GHDC: variants seen among roughly 807,000 people sequenced by gnomAD.
The protein encoded by GHDC is GH3 domain-containing protein.
In GHDC, 39 loss-of-function variants were observed where a neutral mutation model predicts 51.5. That is an observed-to-expected ratio of 0.76 (90% CI 0.59 to 0.99). The LOEUF (loss-of-function observed/expected upper bound fraction) is 0.99, where lower values mean the gene tolerates loss of function less well. Ranked by LOEUF, GHDC falls within the 50% of genes least tolerant of loss-of-function variation. The pLI is 0.00. For missense variants in GHDC, 610 were observed against 672.8 expected (o/e 0.91, Z 1.03); for synonymous variants, 282 against 305.2 (o/e 0.92, Z 0.79).
At chr17:42,190,567 G>T (rs2079959924) in intron 8 of GHDC, 57 bp downstream of exon 8, 1 of 1,568,600 alleles carries the variant, frequency 6.4e-7, no homozygotes, top group African/African-American at 1.4e-5. Context: ...TGGCAGGGGA[G>T]GTAGGAGTTG....
At position 42,193,795 on chromosome 17, in the gene GHDC, G is replaced by A; in HGVS notation, c.-42C>T. ...AGTGCAGATCCTGCCTCTGCCGCTT[G>A]TTAGCTGTAGGGCCCTGAGCAATTT... On this transcript the variant is annotated 5_prime_UTR_variant, in exon 2 of 10. Transcript: ENST00000587427. The A allele has an allele frequency of 3.1e-6, 2 of 649,212 alleles. No homozygotes were observed. Among genetic ancestry groups the A allele is most frequent in the South Asian group, 2.0e-5 (1 of 49,098 alleles). The allele number at this position is 649,212 out of a possible 1,614,324, so 40.2% of individuals were successfully genotyped here.
In GHDC at chr17:42,190,702, C is replaced by CA. The variant is rs769296999; in HGVS notation, c.1209dup (p.Glu404Ter). 4 of 1,613,972 alleles carry CA rather than the reference C, an allele frequency of 2.5e-6. No individual in the cohort carries two copies. Among genetic ancestry groups the CA allele is most frequent in the Non-Finnish European group, 3.4e-6 (4 of 1,180,042 alleles). Reference sequence around the variant, plus strand: ...TGCCCCACTGCCCGGCCCAGGGCCTCAGAGAACAGGTCTTCACCAATATCT... The same window carrying CA: ...TGCCCCACTGCCCGGCCCAGGGCCTCAAGAGAACAGGTCTTCACCAATATCT... On this transcript the variant is annotated frameshift_variant, in exon 8 of 10. Coordinates refer to ENST00000587427, the MANE Select transcript of GHDC (RefSeq NM_032484.5). LOFTEE classifies it high-confidence loss of function.
Position 42,192,277 on chromosome 17 carries a change from G to T in GHDC, c.853C>A (p.Leu285Ile), listed in dbSNP as rs779393899. ...GCATAAGCAGGAGAGAAGAAGGCTA[G>T]TCCTTGGCACCACAAGGCCCCGAGG... ...AALGALWCQG[L>I]AFFSPAYAAS... Residue 285 changes from leucine (L) to isoleucine (I), a missense_variant, in exon 5 of 10, where the codon CTA (leucine) becomes ATA (isoleucine). This residue lies in a region of GHDC where 412 missense variants were observed against 410.4 expected (regional missense o/e 1.00). Transcript: ENST00000587427. The T allele has an allele frequency of 1.8e-5, 28 of 1,577,448 alleles. No homozygotes were observed. Among genetic ancestry groups the T allele is most frequent in the Non-Finnish European group, 2.4e-5 (28 of 1,162,350 alleles).
chr17:42,190,474 C>T lies in GHDC; in HGVS notation c.1288+150G>A, dbSNP rs978900826. The T allele has an allele frequency of 5.0e-6, 7 of 1,406,928 alleles. No homozygotes were observed. The East Asian group carries it at 1.7e-4, about 35-fold the overall frequency. 87.2% of individuals were successfully genotyped at this position (1,406,928 alleles called of 1,614,324 possible). A position where few individuals can be genotyped will look rare whatever the true frequency, so the allele number is the denominator to read the frequency against. Reference sequence around the variant, plus strand: ...CAGGAAAGAAAATGGGTAGAGACTGCAGCAGGATGGATGAGAGTTAGATGC... The same window carrying T: ...CAGGAAAGAAAATGGGTAGAGACTGTAGCAGGATGGATGAGAGTTAGATGC... On this transcript the variant is annotated intron_variant, in intron 8 of 9. Coordinates refer to ENST00000587427, the MANE Select transcript of GHDC (RefSeq NM_032484.5).
chr17:42,193,886 C>G (rs1456633089), intron 1 of GHDC, 36 bp from the exon 2 acceptor site: 5 of 412,854 alleles, frequency 1.2e-5, no homozygotes, highest in Non-Finnish European at 2.2e-5. Flanking sequence ...ATGCCTCTTT[C>G]AGAAGGTAGG....
chr17:42,189,611 G>T lies in GHDC; in HGVS notation c.*92C>A. On this transcript the variant is annotated 3_prime_UTR_variant, in exon 10 of 10. Coordinates refer to ENST00000587427, the MANE Select transcript of GHDC (RefSeq NM_032484.5). ...AAATGTCAGGTGACACAGAGTCAGA[G>T]ACCCTGGCCAAGGACTCCCCATCCG... The T allele has an allele frequency of 1.6e-6, 1 of 609,898 alleles. No homozygotes were observed. 37.8% of individuals were successfully genotyped at this position (609,898 alleles called of 1,614,324 possible).
rs751446435 is a variant in GHDC, at chr17:42,192,706, A to G, written c.424T>C (p.Tyr142His). 2.6e-6 allele frequency: 4 copies of G among 1,563,232 alleles called. No individual in the cohort carries two copies. The highest frequency in any genetic ancestry group is 4.5e-5 in the East Asian group (2 of 44,412). Residue 142 changes from tyrosine (Y) to histidine (H), a missense_variant, in exon 5 of 10, where the codon TAC becomes CAC. By Grantham distance (83) the Tyr-to-His change is moderately conservative (BLOSUM62 2). Coordinates refer to ENST00000587427, the MANE Select transcript of GHDC (RefSeq NM_032484.5). ...CGTCCCTGAGCCAGCACTTCTGGGTAGGCCTTGTTTAGGGCTGCCAGACCC... is the reference window on the plus strand; with the variant it reads ...CGTCCCTGAGCCAGCACTTCTGGGTGGGCCTTGTTTAGGGCTGCCAGACCC... ...LLGLAALNKAYPEVLAQGRTA... is the reference protein window; with the variant it reads ...LLGLAALNKAHPEVLAQGRTA...
At position 42,193,321 on chromosome 17, in the gene GHDC, G is replaced by C; in HGVS notation, c.261C>G (p.Ser87Arg). ...CCCAGACCCTGGGAAACACACCTGT[G>C]CTCCTTCTGAGGGAACAGTGGGGGC... ...AQRPHCSLRRSTDISTFRNHL... is the reference protein window; with the variant it reads ...AQRPHCSLRRRTDISTFRNHL... Residue 87 changes from serine to arginine, a missense_variant, in exon 3 of 10, where the codon AGC becomes AGG. By Grantham distance (110) the Ser-to-Arg change is moderately radical (BLOSUM62 -1). Transcript: ENST00000587427. 6.3e-7 allele frequency: 1 copy of C among 1,599,622 alleles called. No homozygotes were observed.
At chr17:42,193,640 C>G in intron 2 of GHDC, 46 bp from the exon 3 acceptor site, 2 of 1,485,280 alleles carry the variant, frequency 1.3e-6, no homozygotes, top group South Asian at 2.6e-5. Flanking sequence ...CAGCAATTAT[C>G]CATTTCTCCT....
In GHDC at chr17:42,189,153, G is replaced by A. The variant is rs931982940; in HGVS notation, c.*550C>T. On this transcript the variant is annotated 3_prime_UTR_variant, in exon 10 of 10. Coordinates refer to ENST00000587427, the MANE Select transcript of GHDC (RefSeq NM_032484.5). ...CCAAGGCGGGGGAGTGGGGAAGAGA[G>A]GGAAGGGAGAGCCCCCGCAGGAAGT... The A allele has an allele frequency of 1.5e-5, 6 of 398,588 alleles. No homozygotes were observed. The highest frequency in any genetic ancestry group is 1.0e-4 in the African/African-American group (5 of 48,644). 24.7% of individuals were successfully genotyped at this position (398,588 alleles called of 1,614,324 possible). A position where few individuals can be genotyped will look rare whatever the true frequency, so the allele number is the denominator to read the frequency against.
Position 42,192,298 on chromosome 17 carries a change from C to A in GHDC, c.832G>T (p.Gly278Trp). ...GGQAEAVAAL[G>W]ALWCQGLAFF... The stretch of plus-strand genomic sequence containing the variant: ...GCTAGTCCTTGGCACCACAAGGCCC[C>A]GAGGGCAGCCACAGCCTCGGCCTGG... Residue 278 changes from glycine (G) to tryptophan (W), a missense_variant, in exon 5 of 10, where the codon GGG (glycine) becomes TGG (tryptophan). Coordinates refer to ENST00000587427, the MANE Select transcript of GHDC (RefSeq NM_032484.5). 1 of 1,601,536 alleles carries A rather than the reference C, an allele frequency of 6.2e-7. No homozygotes were observed. The highest frequency in any genetic ancestry group is 1.1e-5 in the South Asian group (1 of 89,352).
rs963362809 is a variant in GHDC, at chr17:42,190,055, C to G, written c.1374+130G>C. ...TGTGTGTCTGTGGGACTTAGCCCTC[C>G]CCTCCCAGAGCCCCAGGGAGCTTCT... On this transcript the variant is annotated intron_variant, in intron 9 of 9. Transcript: ENST00000587427. 8.0e-6 allele frequency: 11 copies of G among 1,370,488 alleles called. No individual in the cohort carries two copies. In the Admixed American group the frequency reaches 2.4e-4, roughly 30 times the overall value. 84.9% of individuals were successfully genotyped at this position (1,370,488 alleles called of 1,614,324 possible).
chr17:42,192,614 G>C lies in GHDC; in HGVS notation c.516C>G (p.Gly172=). The part of the protein sequence containing the change: ...RPLPWPGNTL[G]QVGTPGTKDP... ...CCTTGGTTCCAGGGGTGCCCACCTG[G>C]CCCAGGGTATTCCCAGGCCAAGGCA... The change falls in exon 5 of 10, where the codon GGC becomes GGG. Residue 172 remains glycine (G), a synonymous_variant. Transcript: ENST00000587427. 6.2e-7 allele frequency: 1 copy of C among 1,613,362 alleles called. No individual in the cohort carries two copies. Among genetic ancestry groups the C allele is most frequent in the Non-Finnish European group, 8.5e-7 (1 of 1,179,886 alleles).
At position 42,189,134 on chromosome 17, in the gene GHDC, C is replaced by T. The variant is rs116050394; in HGVS notation, c.*569G>A. 750 of 398,594 alleles carry T rather than the reference C, an allele frequency of 1.9e-3. 9 individuals carry two copies. Among genetic ancestry groups the T allele is most frequent in the African/African-American group, 0.014 (680 of 48,710 alleles). 24.7% of individuals were successfully genotyped at this position (398,594 alleles called of 1,614,324 possible). On this transcript the variant is annotated 3_prime_UTR_variant, in exon 10 of 10. Transcript: ENST00000587427. ...GGGAGCCATCCCAGGAAGCCCAAGG[C>T]GGGGGAGTGGGGAAGAGAGGGAAGG...
chr17:42,190,258 C>T lies in GHDC; in HGVS notation c.1301G>A (p.Gly434Asp), dbSNP rs769224655. Reference protein sequence around the residue: ...VESSILDSSAGSAPHYEVFVA... With the variant: ...VESSILDSSADSAPHYEVFVA... ...AAACACCTCGTAGTGGGGAGCAGAG[C>T]CCGCAGAGGAATCTGTGAATAGACC... is the stretch of plus-strand genomic sequence containing the variant. The change falls in exon 9 of 10, where the codon GGC becomes GAC. Residue 434 changes from glycine to aspartate, a missense_variant. By Grantham distance (94) the Gly-to-Asp change is moderately conservative (BLOSUM62 -1). Coordinates refer to ENST00000587427, the MANE Select transcript of GHDC (RefSeq NM_032484.5). 1 of 1,614,190 alleles carries T rather than the reference C, an allele frequency of 6.2e-7. No homozygotes were observed. Among genetic ancestry groups the T allele is most frequent in the African/African-American group, 1.3e-5 (1 of 75,040 alleles).
At chr17:42,190,471 C>T in intron 8 of GHDC, 153 bp downstream of exon 8, 2 of 1,414,478 alleles carry the variant, frequency 1.4e-6, no homozygotes, top group Non-Finnish European at 1.9e-6. Flanking sequence ...TGGGTAGAGA[C>T]TGCAGCAGGA....
intron 5 of GHDC, 140 bp from the exon 6 acceptor site, chr17:42,191,350 C>T: frequency 1.2e-6 from 1 of 852,062 alleles, no homozygotes; most frequent in South Asian, 3.2e-5. Flanking sequence ...TCCTGGCTCC[C>T]CCAGCCTCAG....
At chr17:42,190,304 G>C in intron 8 of GHDC, 34 bp from the exon 9 acceptor site, 1 of 1,614,134 alleles carries the variant, frequency 6.2e-7, no homozygotes, top group Middle Eastern at 1.6e-4. Context: ...ACATACTTCC[G>C]GTGAATGGGC....
chr17:42,190,544 C>T, intron 8 of GHDC, 80 bp downstream of exon 8: 1 of 1,510,142 alleles, frequency 6.6e-7, no homozygotes. Context: ...TTATCTCTTT[C>T]CTAGCAGTCC....
Sources: gnomAD v4.1 joint callset for allele counts on GRCh38, gnomAD v4.1.1 for gene constraint, gnomAD v4.1.1 regional missense constraint, MANE v1.5 for transcripts, NCBI Gene and HGNC (gene_info 2026-07-23, HGNC 2026-07-21) for gene names.